ANO10: variants seen among roughly 807,000 people sequenced by gnomAD.
The protein encoded by ANO10 is anoctamin-10.
ANO10 carries 77 observed loss-of-function variants against 74.7 expected under a neutral mutation model. That is an observed-to-expected ratio of 1.03 (90% confidence interval 0.86 to 1.25). The LOEUF is 1.25. Ranked by LOEUF, ANO10 falls within the 50% of genes most tolerant of loss-of-function variation. The probability of loss-of-function intolerance (pLI) is 0.00; values close to 1 mark genes in which losing one functional copy is unlikely to be tolerated. For synonymous variants in ANO10, 279 were observed against 284.9 expected (o/e 0.98, Z 0.21); for missense variants, 721 against 778.1 (o/e 0.93, Z 0.87).
intron 12 of ANO10, among the ~76,000 whole-genome samples, chr3:43,402,440 CA>C: frequency 6.6e-6 from 1 of 152,274 alleles, no homozygotes; most frequent in South Asian, 2.1e-4. Flanking sequence ...TATTACTTTG[CA>C]TATTTTAAAA....
chr3:43,404,310 G>A (rs1294131425), intron 12 of ANO10, among the ~76,000 whole-genome samples: 1 of 152,130 alleles, frequency 6.6e-6, no homozygotes, highest in Non-Finnish European at 1.5e-5. Context: ...GAAGCCTCTG[G>A]ATAATAACCA....
chr3:43,448,873 CTTT>C (rs35711363), intron 11 of ANO10, among the ~76,000 whole-genome samples: 14 of 134,252 alleles, frequency 1.0e-4, no homozygotes, highest in African/African-American at 3.0e-4. Context: ...TTCTTTCTTT[CTTT>C]TTTTTTTTTT....
chr3:43,691,357 T>G, intron 1 of ANO10: 217 of 190,644 alleles, frequency 1.1e-3, no homozygotes, highest in East Asian at 2.5e-3. Context: ...GCGACGGAGC[T>G]GGCCGCGGCG....
intron 12 of ANO10, among the ~76,000 whole-genome samples, chr3:43,373,286 G>A (rs937000087): frequency 6.6e-6 from 1 of 152,118 alleles, no homozygotes; most frequent in African/African-American, 2.4e-5. Context: ...CTGGTGAAGC[G>A]GAAGGTGGTC....
In ANO10 at chr3:43,659,264, C is replaced by T. The variant is rs184909631; in HGVS notation, c.-12+32253G>A. ...AAGTAGGGTGGGGCGTCACCTCACC[C>T]GAGAAGTGCAAGGGGTCGGGGCATT... On this transcript the variant is annotated intron_variant, in intron 1 of 3. Coordinates refer to the ANO10 transcript ENST00000413397. 2.0e-3 allele frequency among the ~76,000 whole-genome samples: 307 copies of T among 152,280 alleles called. 2 individuals are homozygous for T. The highest frequency in any genetic ancestry group is 3.6e-3 in the Non-Finnish European group (245 of 68,022).
intron 8 of ANO10, among the ~76,000 whole-genome samples, chr3:43,561,951 A>C (rs2080056115): frequency 6.6e-6 from 1 of 152,244 alleles, no homozygotes; most frequent in African/African-American, 2.4e-5. Flanking sequence ...TGGATAAAAA[A>C]AGTTTGGCTA....
chr3:43,562,910 C>T (rs1178707290), intron 8 of ANO10, among the ~76,000 whole-genome samples: 1 of 152,020 alleles, frequency 6.6e-6, no homozygotes, highest in Non-Finnish European at 1.5e-5. Flanking sequence ...AGCAAAGTTC[C>T]CACCATTTTA....
chr3:43,447,210 G>T (rs1319479853), intron 11 of ANO10, among the ~76,000 whole-genome samples: 2 of 152,076 alleles, frequency 1.3e-5, no homozygotes, highest in Non-Finnish European at 2.9e-5. Context: ...GTATATTTGT[G>T]GAATACATTC....
intron 11 of ANO10, among the ~76,000 whole-genome samples, chr3:43,456,730 G>A (rs2075146136): frequency 6.6e-6 from 1 of 152,206 alleles, no homozygotes; most frequent in Admixed American, 6.5e-5. Flanking sequence ...CCTACAAAAG[G>A]GAGGGTCACA....
chr3:43,526,507 G>A (rs186309944), intron 11 of ANO10, among the ~76,000 whole-genome samples: 38 of 152,260 alleles, frequency 2.5e-4, no homozygotes, highest in African/African-American at 8.7e-4. Context: ...AACATCCTGA[G>A]ACGATTGAAA....
At chr3:43,484,574 C>T (rs150729747) in intron 11 of ANO10, among the ~76,000 whole-genome samples, 25 of 152,262 alleles carry the variant, frequency 1.6e-4, no homozygotes, top group African/African-American at 6.0e-4. Context: ...TGATGCTACA[C>T]CAGAATCAGT....
intron 1 of ANO10, among the ~76,000 whole-genome samples, chr3:43,674,652 G>C (rs1195910271): frequency 6.6e-6 from 1 of 152,212 alleles, no homozygotes; most frequent in Non-Finnish European, 1.5e-5. Flanking sequence ...ATGTTCAGGA[G>C]TGCTCTTGCA....
At chr3:43,582,111 C>A (rs1384700276) in intron 4 of ANO10, among the ~76,000 whole-genome samples, 2 of 151,832 alleles carry the variant, frequency 1.3e-5, no homozygotes, top group African/African-American at 2.4e-5. Context: ...GGCATAAAAC[C>A]CCTTATTGAG....
At chr3:43,671,224 G>T (rs751352301) in intron 1 of ANO10, among the ~76,000 whole-genome samples, 1 of 152,166 alleles carries the variant, frequency 6.6e-6, no homozygotes, top group Non-Finnish European at 1.5e-5. Flanking sequence ...TCCCCACAGT[G>T]TGTGGATTAT....
chr3:43,470,240 A>G (rs2075796412), intron 11 of ANO10, among the ~76,000 whole-genome samples: 1 of 152,254 alleles, frequency 6.6e-6, no homozygotes, highest in African/African-American at 2.4e-5. Context: ...TGAAAAGGCT[A>G]CCTACTGAAT....
chr3:43,395,889 G>C (rs1031254053), intron 12 of ANO10, among the ~76,000 whole-genome samples: 2 of 152,092 alleles, frequency 1.3e-5, no homozygotes, highest in Non-Finnish European at 2.9e-5. Context: ...GGGCCATATA[G>C]TCTCTGTCAC....
chr3:43,683,493 G>T (rs982286440), intron 1 of ANO10, among the ~76,000 whole-genome samples: 75 of 152,118 alleles, frequency 4.9e-4, no homozygotes, highest in Admixed American at 5.2e-4. Context: ...TCATGAAAAT[G>T]GCCATACTGC....
chr3:43,565,804 T>G (rs965687691), intron 7 of ANO10, 77 bp from the exon 8 acceptor site: 1 of 1,472,546 alleles, frequency 6.8e-7, no homozygotes, highest in African/African-American at 1.4e-5. Flanking sequence ...AATGCAGCAT[T>G]TAAAAATGTA....
rs1159340038 is a variant in ANO10 at position 43,412,019 on chromosome 3, T to A, written c.1914+20592A>T. On this transcript the variant is annotated intron_variant, in intron 12 of 12. Transcript: ENST00000292246. ...AAAAAACATATTTATATATATAATA[T>A]ATATTTACATATTTTATATATTTGT... Among the ~76,000 whole-genome samples the A allele has an allele frequency of 6.1e-5, 9 of 148,056 alleles. No homozygotes were observed. In the East Asian group the frequency reaches 1.2e-3, roughly 19 times the overall value.
Sources: gnomAD v4.1 joint callset for allele counts (sites outside exome capture counted in the v4.1 genomes callset) on GRCh38, gnomAD v4.1.1 for gene constraint, MANE v1.5 for transcripts, NCBI Gene and HGNC (gene_info 2026-07-23, HGNC 2026-07-21) for gene names.